The following ANKRD28 variants were observed in gnomAD, a reference collection of about 807,000 sequenced individuals.
The protein encoded by ANKRD28 is ankyrin repeat domain 28, also known as serine/threonine-protein phosphatase 6 regulatory ankyrin repeat subunit A.
Under a neutral mutation model 126.5 loss-of-function variants are expected in ANKRD28, and 44 were observed. The ratio of observed to expected loss-of-function variants is 0.35; its 90% CI spans 0.27 to 0.45. The LOEUF (loss-of-function observed/expected upper bound fraction) is 0.45. Among genes scored for constraint, ANKRD28 ranks in the 20% least tolerant of loss-of-function variants. The pLI, the probability that ANKRD28 is intolerant of heterozygous loss-of-function variation, is 1.00. For missense variants in ANKRD28, 1,110 were observed against 1,316.6 expected, an observed-to-expected ratio of 0.84 and a Z score of 2.43; for synonymous variants, 442 against 468.5, an observed-to-expected ratio of 0.94 and a Z score of 0.73.
chr3:15,772,797 C>T (rs1251768761), intron 2 of ANKRD28, among the ~76,000 whole-genome samples: 2 of 152,284 alleles, frequency 1.3e-5, no homozygotes, highest in East Asian at 3.9e-4. Flanking sequence ...AGCGATTCTC[C>T]TGCCTCAGCC....
In ANKRD28 at chr3:15,814,403, A is replaced by C; in HGVS notation, c.28-19097T>G. 2.0e-6 allele frequency: 1 copy of C among 507,380 alleles called. No individual in the cohort carries two copies. Among genetic ancestry groups the C allele is most frequent in the Non-Finnish European group, 2.9e-6 (1 of 343,528 alleles). 31.4% of individuals were successfully genotyped at this position (507,380 alleles called of 1,614,324 possible). A position where few individuals can be genotyped will look rare whatever the true frequency, so the allele number is the denominator to read the frequency against. On this transcript the variant is annotated intron_variant, in intron 1 of 27. Coordinates refer to the ANKRD28 transcript ENST00000399451. This position sits in a 1 kb window ranked among gnomAD's most constrained non-coding sequence, Gnocchi z 4.7. ...TAAATAACTAGTACCTTAACAAAACATTGAATTATTGGATAATATTCAAAA... is the reference window on the plus strand; with the variant it reads ...TAAATAACTAGTACCTTAACAAAACCTTGAATTATTGGATAATATTCAAAA...
At chr3:15,768,700 T>C (rs917516458) in intron 2 of ANKRD28, among the ~76,000 whole-genome samples, 1 of 152,078 alleles carries the variant, frequency 6.6e-6, no homozygotes, top group African/African-American at 2.4e-5. Flanking sequence ...AACATATAAT[T>C]ATCACTGGTC....
At chr3:15,781,288 T>C (rs1275713880) in intron 2 of ANKRD28, 1 of 152,130 alleles carries the variant, frequency 6.6e-6, no homozygotes, top group African/African-American at 2.4e-5. Flanking sequence ...TATGGCATTA[T>C]TTCTGTAGAA....
At chr3:15,810,778 G>A (rs1319573644) in intron 1 of ANKRD28, among the ~76,000 whole-genome samples, 2 of 150,966 alleles carry the variant, frequency 1.3e-5, no homozygotes, top group East Asian at 1.9e-4. Context: ...CAACTTTATA[G>A]GTAAGAAAAA....
intron 1 of ANKRD28, among the ~76,000 whole-genome samples, chr3:15,831,526 G>T (rs529707257): frequency 6.6e-6 from 1 of 152,028 alleles, no homozygotes; most frequent in Non-Finnish European, 1.5e-5. Flanking sequence ...CTTCCCAGTG[G>T]TAACAACAAA....
intron 1 of ANKRD28, among the ~76,000 whole-genome samples, chr3:15,827,598 C>T (rs971547011): frequency 6.6e-6 from 1 of 152,008 alleles, no homozygotes; most frequent in Non-Finnish European, 1.5e-5. Flanking sequence ...ATTGAATGGC[C>T]CTGGGACCCT....
At chr3:15,731,848 CAAAAAAAAA>C (rs397934004) in intron 6 of ANKRD28, 2 of 4,522 alleles carry the variant, frequency 4.4e-4, no homozygotes, top group African/African-American at 6.3e-4. Flanking sequence ...GAAACTGTCT[CAAAAAAAAA>C]AAAAAAAAAA....
At position 15,839,120 on chromosome 3, in the gene ANKRD28, C is replaced by T. The variant is rs2061381832; in HGVS notation, c.27+20257G>A. Among the ~76,000 whole-genome samples the T allele has an allele frequency of 6.6e-6, 1 of 152,052 alleles. No individual in the cohort carries two copies. Among genetic ancestry groups the T allele is most frequent in the South Asian group, 2.1e-4 (1 of 4,822 alleles). On this transcript the variant is annotated intron_variant, in intron 1 of 27. Transcript: ENST00000399451. This position sits in a 1 kb window ranked among gnomAD's most constrained non-coding sequence, Gnocchi z 4.3. ...CTGGAGGTGGGACTAGGAGTAACTG[C>T]AAAGTAGGTACAAGGTATCTTTTTG...
intron 12 of ANKRD28, among the ~76,000 whole-genome samples, chr3:15,710,706 C>T (rs531870254): frequency 6.6e-6 from 1 of 152,076 alleles, no homozygotes; most frequent in Non-Finnish European, 1.5e-5. Flanking sequence ...GTTTGTTGCT[C>T]GTATGAACCA....
chr3:15,848,239 C>T (rs1238026470), intron 1 of ANKRD28, among the ~76,000 whole-genome samples: 1 of 152,202 alleles, frequency 6.6e-6, no homozygotes, highest in African/African-American at 2.4e-5. Flanking sequence ...ACTAAAGAAA[C>T]AGTATTTGGA....
rs541077293 is a variant in ANKRD28, at chr3:15,843,525, A to T, written c.27+15852T>A. Among the ~76,000 whole-genome samples, 1 of 152,262 alleles carries T rather than the reference A, an allele frequency of 6.6e-6. No individual in the cohort carries two copies. Among genetic ancestry groups the T allele is most frequent in the East Asian group, 1.9e-4 (1 of 5,192 alleles). ...AAATGAAAAATAAGAGATAAACAAT[A>T]CACCTCAATTTCAAATAAGGATAGA... is the stretch of plus-strand genomic sequence containing the variant. On this transcript the variant is annotated intron_variant, in intron 1 of 27. Coordinates refer to the ANKRD28 transcript ENST00000399451. This position sits in a 1 kb window ranked among gnomAD's most constrained non-coding sequence, Gnocchi z 5.2.
At chr3:15,802,220 G>A (rs1244208705), upstream of ANKRD28, among the ~76,000 whole-genome samples, 2 of 152,114 alleles carry the variant, frequency 1.3e-5, no homozygotes, top group Non-Finnish European at 2.9e-5. Context: ...AGCATATTCA[G>A]CTTGCTTCCT....
intron 1 of ANKRD28, among the ~76,000 whole-genome samples, chr3:15,827,683 G>T (rs1232590095): frequency 6.6e-6 from 1 of 152,176 alleles, no homozygotes; most frequent in Non-Finnish European, 1.5e-5. Context: ...GGATTTGGCA[G>T]TGATTCCTTG....
At chr3:15,813,117 A>G (rs2060755677) in intron 1 of ANKRD28, among the ~76,000 whole-genome samples, 2 of 150,002 alleles carry the variant, frequency 1.3e-5, no homozygotes, top group South Asian at 4.2e-4. Context: ...TAATCCTAGC[A>G]CTTTGGGAGG....
At chr3:15,675,700 A>G (rs2066865425) in intron 27 of ANKRD28, among the ~76,000 whole-genome samples, 198 bp downstream of exon 27, 1 of 152,250 alleles carries the variant, frequency 6.6e-6, no homozygotes, top group Non-Finnish European at 1.5e-5. Context: ...AACAGATGAT[A>G]TAGGAATTCG....
At chr3:15,832,355 G>A (rs935781422) in intron 1 of ANKRD28, among the ~76,000 whole-genome samples, 14 of 152,074 alleles carry the variant, frequency 9.2e-5, no homozygotes, top group African/African-American at 2.9e-4. Flanking sequence ...TTATGTGTAG[G>A]GGTGCTGAGC....
chr3:15,751,090 G>T (rs181094549), intron 4 of ANKRD28, among the ~76,000 whole-genome samples: 35 of 151,876 alleles, frequency 2.3e-4, no homozygotes, highest in Admixed American at 2.2e-3. Context: ...CAGCTGAGTA[G>T]TTTTTCATGA....
chr3:15,773,658 T>C (rs1482896033), intron 2 of ANKRD28, among the ~76,000 whole-genome samples: 1 of 152,056 alleles, frequency 6.6e-6, no homozygotes, highest in Non-Finnish European at 1.5e-5. Flanking sequence ...TGCTGAAAAC[T>C]ATGAAACACG....
chr3:15,741,061 G>T (rs528722705), intron 4 of ANKRD28, among the ~76,000 whole-genome samples: 6 of 152,174 alleles, frequency 3.9e-5, no homozygotes, highest in Admixed American at 2.6e-4. Context: ...TAGCCAGGTG[G>T]GGGGGCGGGC....
Sources: allele counts gnomAD v4.1 joint callset (sites outside exome capture counted in the v4.1 genomes callset), GRCh38; gene constraint gnomAD v4.1.1; non-coding constraint Gnocchi (gnomAD v3.1); transcripts MANE v1.5; gene names NCBI Gene and HGNC (gene_info 2026-07-23, HGNC 2026-07-21).